CCDC178: variants seen among roughly 807,000 people sequenced by gnomAD.
The protein encoded by CCDC178 is coiled-coil domain containing 178.
Under a neutral mutation model 117.4 loss-of-function variants are expected in CCDC178, and 126 were observed. The ratio of observed to expected loss-of-function variants is 1.07; its 90% CI spans 0.93 to 1.24. The LOEUF (loss-of-function observed/expected upper bound fraction) is 1.24. Ranked by LOEUF, CCDC178 falls within the 50% of genes most tolerant of loss-of-function variation. The pLI is 0.00. For synonymous variants in CCDC178, 283 were observed against 313.4 expected (o/e 0.90, Z 1.02); for missense variants, 1,030 against 986.9 (o/e 1.04, Z -0.59).
At chr18:33,074,898 C>A (rs1482923962) in intron 21 of CCDC178, among the ~76,000 whole-genome samples, 4 of 152,014 alleles carry the variant, frequency 2.6e-5, no homozygotes, top group Non-Finnish European at 5.9e-5. Context: ...AAAATGAGTT[C>A]TTGAGATGGC....
At chr18:33,166,528 C>G (rs1319349471) in intron 20 of CCDC178, among the ~76,000 whole-genome samples, 2 of 152,070 alleles carry the variant, frequency 1.3e-5, no homozygotes, top group Non-Finnish European at 2.9e-5. Context: ...AGTTTCCCTA[C>G]TAGGTGTCTA....
intron 4 of CCDC178, among the ~76,000 whole-genome samples, chr18:33,393,592 G>A (rs541631286): frequency 8.6e-5 from 13 of 151,940 alleles, no homozygotes; most frequent in South Asian, 8.3e-4. Context: ...TAAATGCATC[G>A]AGTATGTTTT....
intron 21 of CCDC178, among the ~76,000 whole-genome samples, chr18:33,030,911 A>G (rs7229584): frequency 0.85 from 128,617 of 152,074 alleles, 55,294 homozygotes; most frequent in South Asian, 0.93. Flanking sequence ...AGCTGGTAGC[A>G]TGGCTCAGTC....
chr18:33,095,468 G>T (rs1346337989), intron 20 of CCDC178, among the ~76,000 whole-genome samples: 1 of 151,872 alleles, frequency 6.6e-6, no homozygotes, highest in Non-Finnish European at 1.5e-5. Context: ...ATAAAATAAA[G>T]ATTATGCTTA....
rs149804722 is a variant in CCDC178, at chr18:33,237,607, C to T, written c.1593+7638G>A. 3.6e-3 allele frequency among the ~76,000 whole-genome samples: 542 copies of T among 151,680 alleles called. 6 individuals are homozygous for T. Among genetic ancestry groups the T allele is most frequent in the African/African-American group, 0.012 (503 of 41,346 alleles). On this transcript the variant is annotated intron_variant, in intron 15 of 22. Transcript: ENST00000383096. ...AACCAAGCATCTGCATGCCCATGTT[C>T]TAGGCCTGAGAAACAACACCATGGG...
Position 33,394,943 on chromosome 18 carries a change from G to GTATGTATA in CCDC178, c.118+2205_118+2206insTATACATA, listed in dbSNP as rs1555697671. Among the ~76,000 whole-genome samples the GTATGTATA allele has an allele frequency of 4.3e-3, 264 of 61,448 alleles. 3 individuals are homozygous for GTATGTATA. The highest frequency in any genetic ancestry group is 6.3e-3 in the Non-Finnish European group (205 of 32,792). The allele number at this position is 61,448 out of a possible 152,430, so 40.3% of individuals were successfully genotyped here. A position where few individuals can be genotyped will look rare whatever the true frequency, so the allele number is the denominator to read the frequency against. The stretch of plus-strand genomic sequence containing the variant: ...ACTTTAAAAGCCTGTATATGTATGT[G>GTATGTATA]TATATATATATATATATATATATAT... On this transcript the variant is annotated intron_variant, in intron 4 of 22. Transcript: ENST00000383096.
At chr18:33,183,660 A>G (rs757045504) in intron 20 of CCDC178, among the ~76,000 whole-genome samples, 2 of 152,040 alleles carry the variant, frequency 1.3e-5, no homozygotes, top group African/African-American at 4.8e-5. Flanking sequence ...CATAGAGACA[A>G]CTCACACAGC....
At chr18:33,324,927 A>AT (rs1484229443) in intron 10 of CCDC178, among the ~76,000 whole-genome samples, 2 of 151,884 alleles carry the variant, frequency 1.3e-5, no homozygotes, top group African/African-American at 2.4e-5. Flanking sequence ...AGTATGCTGT[A>AT]TTGGATGGTT....
intron 20 of CCDC178, among the ~76,000 whole-genome samples, chr18:33,177,345 C>T (rs1427631377): frequency 6.6e-6 from 1 of 151,790 alleles, no homozygotes. Context: ...ACATGTATCC[C>T]AGAACTTAAA....
intron 5 of CCDC178, among the ~76,000 whole-genome samples, chr18:33,384,177 T>C (rs2144804186): frequency 6.6e-6 from 1 of 151,616 alleles, no homozygotes; most frequent in Middle Eastern, 3.4e-3. Context: ...AAGAATGAAA[T>C]AAAACAAACA....
intron 21 of CCDC178, among the ~76,000 whole-genome samples, chr18:32,976,226 A>G (rs1405520305): frequency 1.3e-5 from 2 of 152,148 alleles, no homozygotes; most frequent in Non-Finnish European, 2.9e-5. Flanking sequence ...CTTAAAAAAA[A>G]TTGTGTTTTC....
chr18:33,203,476 T>C lies in CCDC178; in HGVS notation c.2238+8420A>G, dbSNP rs373809468. Among the ~76,000 whole-genome samples, 4 of 152,218 alleles carry C rather than the reference T, an allele frequency of 2.6e-5. No individual in the cohort carries two copies. In the East Asian group the frequency reaches 7.7e-4, roughly 29 times the overall value. ...CTAGTAACTCGTTCACAAGCCAAGA[T>C]AATTTACATAGTCATTGATTATTTT... On this transcript the variant is annotated intron_variant, in intron 20 of 22. Transcript: ENST00000383096.
intron 20 of CCDC178, among the ~76,000 whole-genome samples, chr18:33,147,146 T>TC (rs1166780730): frequency 6.7e-6 from 1 of 150,080 alleles, no homozygotes; most frequent in Non-Finnish European, 1.5e-5. Context: ...GATTTCTTTT[T>TC]TTTTTTTTTT....
At chr18:33,316,664 G>A (rs1305241909) in intron 11 of CCDC178, among the ~76,000 whole-genome samples, 8 of 152,184 alleles carry the variant, frequency 5.3e-5, no homozygotes, top group Non-Finnish European at 1.2e-4. Flanking sequence ...CTAGCTAAGG[G>A]ATTGTAAATA....
intron 21 of CCDC178, among the ~76,000 whole-genome samples, chr18:33,056,461 G>A (rs773716795): frequency 5.3e-5 from 8 of 152,170 alleles, no homozygotes; most frequent in African/African-American, 1.7e-4. Flanking sequence ...ATTGATAAAC[G>A]TGGCAGGGCC....
intron 21 of CCDC178, among the ~76,000 whole-genome samples, chr18:33,070,804 A>G (rs534239354): frequency 4.6e-5 from 7 of 152,196 alleles, no homozygotes; most frequent in Admixed American, 3.9e-4. Flanking sequence ...ATTATGTATC[A>G]ATACAAATTG....
chr18:33,085,420 A>G (rs1039183878), intron 21 of CCDC178, among the ~76,000 whole-genome samples: 4 of 152,044 alleles, frequency 2.6e-5, no homozygotes, highest in Admixed American at 2.6e-4. Context: ...AAAATTAGCC[A>G]GGTGTGGTGG....
chr18:33,289,851 C>T (rs1021810561), intron 12 of CCDC178, among the ~76,000 whole-genome samples: 1 of 151,986 alleles, frequency 6.6e-6, no homozygotes, highest in Non-Finnish European at 1.5e-5. Flanking sequence ...CACAAAATCC[C>T]TAAACTGTTC....
At chr18:32,993,547 C>G (rs150697839) in intron 21 of CCDC178, among the ~76,000 whole-genome samples, 1 of 152,232 alleles carries the variant, frequency 6.6e-6, no homozygotes, top group African/African-American at 2.4e-5. Flanking sequence ...ACTGGCTCAC[C>G]ATTAAATTCT....
Sources: allele counts gnomAD v4.1 joint callset (sites outside exome capture counted in the v4.1 genomes callset), GRCh38; gene constraint gnomAD v4.1.1; transcripts MANE v1.5; gene names NCBI Gene and HGNC (gene_info 2026-07-23, HGNC 2026-07-21).